Variants in AGPAT5 observed in about 807,000 individuals in gnomAD.
AGPAT5 encodes the protein 1-acyl-sn-glycerol-3-phosphate acyltransferase epsilon.
A neutral mutation model predicts 45.6 loss-of-function variants in AGPAT5; 46 were observed. The observed-to-expected ratio is 1.01, with a 90% confidence interval of 0.80 to 1.29. AGPAT5 has a LOEUF of 1.29. AGPAT5 is among the 50% of genes most tolerant of loss of function. The pLI, the probability that AGPAT5 is intolerant of heterozygous loss-of-function variation, is 0.00. For missense variants in AGPAT5, 673 were observed against 450.7 expected (o/e 1.49, Z -4.47); for synonymous variants, 272 against 167.0 (o/e 1.63, Z -4.85).
chr8:6,733,987 G>C (rs774751540), intron 4 of AGPAT5, among the ~76,000 whole-genome samples: 2 of 152,158 alleles, frequency 1.3e-5, no homozygotes, highest in African/African-American at 4.8e-5. Context: ...CATGTGTCTT[G>C]TTTATGTGGC....
At chr8:6,738,482 A>G (rs1801130860) in intron 4 of AGPAT5, 1 of 152,210 alleles carries the variant, frequency 6.6e-6, no homozygotes, top group African/African-American at 2.4e-5. Flanking sequence ...CAGAGATCAC[A>G]GATCACAATA....
At position 6,757,539 on chromosome 8, in the gene AGPAT5, A is replaced by C. The variant is rs1164722822; in HGVS notation, c.*151A>C. 1 of 654,954 alleles carries C rather than the reference A, an allele frequency of 1.5e-6. No individual in the cohort carries two copies. Among genetic ancestry groups the C allele is most frequent in the Non-Finnish European group, 2.6e-6 (1 of 385,466 alleles). The allele number at this position is 654,954 out of a possible 1,614,324, so 40.6% of individuals were successfully genotyped here. Reference sequence around the variant, plus strand: ...ATAATAGAATTTGTGACGAAAGCTGATATGCAATGGTCTTGGGCAAACATA... The same window carrying C: ...ATAATAGAATTTGTGACGAAAGCTGCTATGCAATGGTCTTGGGCAAACATA... On this transcript the variant is annotated 3_prime_UTR_variant, in exon 8 of 8. Transcript: ENST00000285518.
intron 1 of AGPAT5, among the ~76,000 whole-genome samples, chr8:6,715,059 G>A (rs1305204426): frequency 6.6e-6 from 1 of 152,166 alleles, no homozygotes; most frequent in Non-Finnish European, 1.5e-5. Flanking sequence ...CTTAATTCCT[G>A]CAATATTCCC....
At position 6,743,248 on chromosome 8, in the gene AGPAT5, A is replaced by T. The variant is rs140420669; in HGVS notation, c.586+1497A>T. ...TGATTAATTTCACTTTTTGTTTCTC[A>T]TGGTGGCCTTCCTCTAAATCCATGG... On this transcript the variant is annotated intron_variant, in intron 5 of 7. Coordinates refer to ENST00000285518, the MANE Select transcript of AGPAT5 (RefSeq NM_018361.5). 1.2e-3 allele frequency among the ~76,000 whole-genome samples: 186 copies of T among 152,118 alleles called. 1 individual carries two copies. Among genetic ancestry groups the T allele is most frequent in the Middle Eastern group, 3.4e-3 (1 of 294 alleles).
At chr8:6,753,126 T>A (rs1412013407) in intron 6 of AGPAT5, among the ~76,000 whole-genome samples, 15 of 152,360 alleles carry the variant, frequency 9.8e-5, no homozygotes. Context: ...TGAGCACATG[T>A]ACGTTTTAGG....
chr8:6,710,365 C>A (rs1482980112), intron 1 of AGPAT5, among the ~76,000 whole-genome samples: 1 of 152,136 alleles, frequency 6.6e-6, no homozygotes, highest in Non-Finnish European at 1.5e-5. Flanking sequence ...TCATTCCCCC[C>A]ACCGTCTGTT....
At chr8:6,724,667 TACCGTTA>T (rs66771516) in intron 1 of AGPAT5, among the ~76,000 whole-genome samples, 196 bp from the exon 2 acceptor site, 109,124 of 151,366 alleles carry the variant, frequency 0.72, 39,849 homozygotes, top group African/African-American at 0.82. Context: ...TTTAATTTAT[TACCGTTA>T]ACCTGTACTA....
At chr8:6,726,567 C>T (rs1239040530) in intron 2 of AGPAT5, among the ~76,000 whole-genome samples, 1 of 152,084 alleles carries the variant, frequency 6.6e-6, no homozygotes, top group Non-Finnish European at 1.5e-5. Flanking sequence ...AATTTGTGTG[C>T]TTACTACATG....
At chr8:6,744,360 A>G (rs1475456869) in intron 5 of AGPAT5, among the ~76,000 whole-genome samples, 1 of 152,260 alleles carries the variant, frequency 6.6e-6, no homozygotes, top group Non-Finnish European at 1.5e-5. Flanking sequence ...CGCTCTTAAG[A>G]AGGTGTGTTT....
chr8:6,708,741 G>C lies in AGPAT5; in HGVS notation c.73G>C (p.Ala25Pro). 1 of 1,607,774 alleles carries C rather than the reference G, an allele frequency of 6.2e-7. No individual in the cohort carries two copies. Among genetic ancestry groups the C allele is most frequent in the Non-Finnish European group, 8.5e-7 (1 of 1,179,648 alleles). Residue 25 changes from alanine (A) to proline (P), a missense_variant, in exon 1 of 8, where the codon GCG (alanine) becomes CCG (proline). By Grantham distance (27) the Ala-to-Pro change is conservative. Transcript: ENST00000285518. Reference sequence around the variant, plus strand: ...GCCCAGCGTCGTGCTCCTGGGCACGGCGCCCACCTACGTGTTGGCCTGGGG... The same window carrying C: ...GCCCAGCGTCGTGCTCCTGGGCACGCCGCCCACCTACGTGTTGGCCTGGGG... ...LLPSVVLLGT[A>P]PTYVLAWGVW...
chr8:6,715,116 T>C (rs1348387694), intron 1 of AGPAT5, among the ~76,000 whole-genome samples: 1 of 152,146 alleles, frequency 6.6e-6, no homozygotes, highest in Non-Finnish European at 1.5e-5. Flanking sequence ...AGGGGTACAA[T>C]GTTTGATAGA....
chr8:6,757,866 A>G lies in AGPAT5; in HGVS notation c.*478A>G, dbSNP rs1210124008. The G allele has an allele frequency of 6.5e-6, 1 of 153,768 alleles. No individual in the cohort carries two copies. The highest frequency in any genetic ancestry group is 1.4e-5 in the Non-Finnish European group (1 of 69,114). The allele number at this position is 153,768 out of a possible 1,614,324, so 9.5% of individuals were successfully genotyped here. On this transcript the variant is annotated 3_prime_UTR_variant, in exon 8 of 8. Transcript: ENST00000285518. ...TCTACAAGTCAGTGAAATAAATTGT[A>G]TTTAGGAAGTGTCAGGATGTTCAAA...
At chr8:6,754,586 C>T (rs1460744034) in intron 6 of AGPAT5, among the ~76,000 whole-genome samples, 1 of 152,164 alleles carries the variant, frequency 6.6e-6, no homozygotes, top group African/African-American at 2.4e-5. Context: ...GCCAGACCAG[C>T]TTCCTCTCGG....
intron 1 of AGPAT5, among the ~76,000 whole-genome samples, chr8:6,721,768 G>T (rs1194776464): frequency 6.6e-6 from 1 of 152,202 alleles, no homozygotes; most frequent in Non-Finnish European, 1.5e-5. Flanking sequence ...TGAATTAAGA[G>T]ACTGATTAAC....
intron 7 of AGPAT5, among the ~76,000 whole-genome samples, chr8:6,755,739 C>G (rs887104984): frequency 3.3e-5 from 5 of 152,194 alleles, no homozygotes; most frequent in African/African-American, 9.7e-5. Flanking sequence ...AAGAAACTAT[C>G]ATTGTTCTTC....
At chr8:6,746,608 T>G (rs956066641) in intron 5 of AGPAT5, among the ~76,000 whole-genome samples, 1 of 152,164 alleles carries the variant, frequency 6.6e-6, no homozygotes, top group Non-Finnish European at 1.5e-5. Flanking sequence ...TGCAAGTTTG[T>G]GAATCAATTT....
rs564846184 is a variant in AGPAT5 at position 6,736,925 on chromosome 8, A to T, written c.495+4275A>T. Among the ~76,000 whole-genome samples, 18 of 152,288 alleles carry T rather than the reference A, an allele frequency of 1.2e-4. No individual in the cohort carries two copies. In the East Asian group the frequency reaches 3.3e-3, roughly 28 times the overall value. On this transcript the variant is annotated intron_variant, in intron 4 of 7. Transcript: ENST00000285518. ...TTCATCTTATGAGTCTTGTAAATCA[A>T]AGTTCTGTTTTATGCTTACTTCTGC...
At chr8:6,756,531 T>C (rs1328229680) in intron 7 of AGPAT5, among the ~76,000 whole-genome samples, 1 of 149,258 alleles carries the variant, frequency 6.7e-6, no homozygotes, top group African/African-American at 2.5e-5. Context: ...GGTGCGAGGA[T>C]CACCTGAGCC....
intron 2 of AGPAT5, among the ~76,000 whole-genome samples, chr8:6,730,291 G>T (rs1587023522): frequency 6.9e-6 from 1 of 145,018 alleles, no homozygotes; most frequent in Non-Finnish European, 1.5e-5. Context: ...TAGATTTAAA[G>T]AAATTTTAAA....
Sources: gnomAD v4.1 joint callset for allele counts (sites outside exome capture counted in the v4.1 genomes callset) on GRCh38, gnomAD v4.1.1 for gene constraint, MANE v1.5 for transcripts, NCBI Gene and HGNC (gene_info 2026-07-23, HGNC 2026-07-21) for gene names.